GPRC5A: variants seen among roughly 807,000 people sequenced by gnomAD.
The protein encoded by GPRC5A is G protein-coupled receptor class C group 5 member A, also known as retinoic acid-induced protein 3.
GPRC5A carries 19 observed loss-of-function variants against 22.5 expected under a neutral mutation model. That is an observed-to-expected ratio of 0.85 (90% CI 0.59 to 1.24). The LOEUF is 1.24. Among genes scored for constraint, GPRC5A ranks in the 50% most tolerant of loss-of-function variants. The pLI, the probability that GPRC5A is intolerant of heterozygous loss-of-function variation, is 0.00. For missense variants in GPRC5A, 471 were observed against 451.1 expected (o/e 1.04, Z -0.40); for synonymous variants, 192 against 184.5 (o/e 1.04, Z -0.33).
At chr12:12,898,786 T>C (rs1164628468) in intron 1 of GPRC5A, among the ~76,000 whole-genome samples, 1 of 152,234 alleles carries the variant, frequency 6.6e-6, no homozygotes, top group African/African-American at 2.4e-5. Flanking sequence ...CCCAAAGCCC[T>C]GTCTCTTCTA....
chr12:12,911,984 C>A (rs866178480), intron 2 of GPRC5A, 100 bp from the exon 3 acceptor site: 2 of 741,264 alleles, frequency 2.7e-6, no homozygotes, highest in Non-Finnish European at 4.8e-6. Context: ...GAGAGACAGG[C>A]AATTAAATGG....
chr12:12,893,809 A>G (rs1863791242), intron 1 of GPRC5A, among the ~76,000 whole-genome samples: 1 of 152,172 alleles, frequency 6.6e-6, no homozygotes, highest in Non-Finnish European at 1.5e-5. Flanking sequence ...GCTGGAGCGC[A>G]GTGACGTGAT....
At position 12,912,562 on chromosome 12, in the gene GPRC5A, A is replaced by G. The variant is rs1219468638; in HGVS notation, c.*23A>G. The G allele has an allele frequency of 2.9e-6, 4 of 1,399,190 alleles. No individual in the cohort carries two copies. The highest frequency in any genetic ancestry group is 4.6e-5 in the East Asian group (2 of 43,952). 86.7% of individuals were successfully genotyped at this position (1,399,190 alleles called of 1,614,324 possible). On this transcript the variant is annotated 3_prime_UTR_variant, in exon 4 of 4. Coordinates refer to ENST00000014914, the MANE Select transcript of GPRC5A (RefSeq NM_003979.4). The stretch of plus-strand genomic sequence containing the variant: ...TAACTCTGTCCTGAAGAGTGGGACA[A>G]ATGCAGCCGGGCGGCAGATCTAGCG...
intron 1 of GPRC5A, among the ~76,000 whole-genome samples, chr12:12,900,328 C>A (rs1336544024): frequency 2.6e-5 from 4 of 152,270 alleles, no homozygotes; most frequent in Non-Finnish European, 4.4e-5. Flanking sequence ...CATGAAGCTC[C>A]CCAGGTGGGT....
intron 1 of GPRC5A, among the ~76,000 whole-genome samples, chr12:12,905,873 G>A (rs952893733): frequency 2.6e-5 from 4 of 152,176 alleles, no homozygotes; most frequent in African/African-American, 9.7e-5. Context: ...ATCCGAATGA[G>A]TAAGTAGATT....
In GPRC5A at chr12:12,915,624, TCTCCTCCTC is replaced by T. The variant is rs143086058; in HGVS notation, c.*3096_*3104del. On this transcript the variant is annotated 3_prime_UTR_variant, in exon 4 of 4. Transcript: ENST00000014914. The stretch of plus-strand genomic sequence containing the variant: ...GTTTCTCCTTCTTCCTTCTCCTCCT[TCTCCTCCTC>T]CTCCTCCTCCACCATGCCCGGCTGA... 7 of 186,172 alleles carry T rather than the reference TCTCCTCCTC, an allele frequency of 3.8e-5. No individual in the cohort carries two copies. The highest frequency in any genetic ancestry group is 8.2e-5 in the Non-Finnish European group (7 of 85,804). The allele number at this position is 186,172 out of a possible 1,614,324, so 11.5% of individuals were successfully genotyped here.
At chr12:12,907,513 G>T (rs1016562418) in intron 1 of GPRC5A, among the ~76,000 whole-genome samples, 1 of 152,120 alleles carries the variant, frequency 6.6e-6, no homozygotes, top group African/African-American at 2.4e-5. Context: ...AAAGGTAGAG[G>T]CTGCAACGTT....
chr12:12,916,492 C>G lies in GPRC5A; in HGVS notation c.*3953C>G, dbSNP rs1864065605. The G allele has an allele frequency of 6.6e-6, 1 of 152,206 alleles. No homozygotes were observed. Among genetic ancestry groups the G allele is most frequent in the Non-Finnish European group, 1.5e-5 (1 of 68,034 alleles). 9.4% of individuals were successfully genotyped at this position (152,206 alleles called of 1,614,324 possible). A position where few individuals can be genotyped will look rare whatever the true frequency, so the allele number is the denominator to read the frequency against. ...CTTAAAGTCGGTGTCCTGTGTGGGG[C>G]ACCAAGCTGAGCTGCAGACACCCAG... On this transcript the variant is annotated 3_prime_UTR_variant, in exon 4 of 4. Transcript: ENST00000014914.
intron 1 of GPRC5A, among the ~76,000 whole-genome samples, chr12:12,898,405 G>A (rs539812633): frequency 4.6e-5 from 7 of 151,882 alleles, no homozygotes; most frequent in East Asian, 3.9e-4. Context: ...GTGGTGGTGC[G>A]CACCTGTCCC....
At chr12:12,891,981 G>A (rs944610017) in intron 1 of GPRC5A, 2 of 152,120 alleles carry the variant, frequency 1.3e-5, no homozygotes, top group Non-Finnish European at 2.9e-5. Context: ...CAGGAGGTGA[G>A]CAGCTCTGGG....
At position 12,902,601 on chromosome 12, in the gene GPRC5A, A is replaced by G. The variant is rs187114564; in HGVS notation, c.-7-5642A>G. On this transcript the variant is annotated intron_variant, in intron 1 of 3. Coordinates refer to ENST00000014914, the MANE Select transcript of GPRC5A (RefSeq NM_003979.4). The stretch of plus-strand genomic sequence containing the variant: ...GAACATAGCAAGACTCCATCTCTAA[A>G]AAAATAAAGATTAAAAAAATTAGCC... Among the ~76,000 whole-genome samples, 329 of 151,960 alleles carry G rather than the reference A, an allele frequency of 2.2e-3. 2 individuals are homozygous for G. The highest frequency in any genetic ancestry group is 3.8e-3 in the Non-Finnish European group (259 of 67,982).
chr12:12,914,586 TTCTTTCTTTCTC>T lies in GPRC5A; in HGVS notation c.*2051_*2062del, dbSNP rs1185918874. 8.5e-5 allele frequency: 8 copies of T among 93,870 alleles called. No homozygotes were observed. Among genetic ancestry groups the T allele is most frequent in the African/African-American group, 4.4e-4 (7 of 15,756 alleles). The allele number at this position is 93,870 out of a possible 1,614,324, so 5.8% of individuals were successfully genotyped here. On this transcript the variant is annotated 3_prime_UTR_variant, in exon 4 of 4. Coordinates refer to ENST00000014914, the MANE Select transcript of GPRC5A (RefSeq NM_003979.4). ...TTTCTTTCTTTCTTTCTTTCTTTCT[TTCTTTCTTTCTC>T]TCTCTCTCTCTCTCTCTCTTTCTTT...
chr12:12,906,239 A>T (rs978974036), intron 1 of GPRC5A, among the ~76,000 whole-genome samples: 1 of 152,200 alleles, frequency 6.6e-6, no homozygotes, highest in Non-Finnish European at 1.5e-5. Context: ...GGTTGCTATG[A>T]AATGAAGTAA....
At chr12:12,894,014 G>C (rs562129318) in intron 1 of GPRC5A, among the ~76,000 whole-genome samples, 8 of 152,188 alleles carry the variant, frequency 5.3e-5, no homozygotes, top group Non-Finnish European at 1.2e-4. Flanking sequence ...TGCCTGCCTC[G>C]GCCTCCCAAA....
In GPRC5A at chr12:12,895,821, CAA is replaced by C. The variant is rs34696528; in HGVS notation, c.-8+4178_-8+4179del. The stretch of plus-strand genomic sequence containing the variant: ...TGAAACTCTGTCTCTACTAAAAATA[CAA>C]AAAAAAAAAAAAAAAAAAAATTAGC... On this transcript the variant is annotated intron_variant, in intron 1 of 3. Coordinates refer to ENST00000014914, the MANE Select transcript of GPRC5A (RefSeq NM_003979.4). 2.2e-4 allele frequency among the ~76,000 whole-genome samples: 17 copies of C among 75,628 alleles called. 1 individual carries two copies. The highest frequency in any genetic ancestry group is 0.018 in the Middle Eastern group (2 of 110). The allele number at this position is 75,628 out of a possible 152,430, so 49.6% of individuals were successfully genotyped here.
chr12:12,904,145 G>A (rs1182786580), intron 1 of GPRC5A, among the ~76,000 whole-genome samples: 1 of 152,030 alleles, frequency 6.6e-6, no homozygotes, highest in Non-Finnish European at 1.5e-5. Context: ...CCTTCCGCTC[G>A]CCGCCCTTGA....
intron 1 of GPRC5A, among the ~76,000 whole-genome samples, chr12:12,898,417 G>T (rs931742020): frequency 6.6e-6 from 1 of 152,056 alleles, no homozygotes; most frequent in Non-Finnish European, 1.5e-5. Context: ...ACCTGTCCCA[G>T]CTATTCAGGA....
In GPRC5A at chr12:12,913,475, C is replaced by T. The variant is rs1384195578; in HGVS notation, c.*936C>T. 2 of 152,204 alleles carry T rather than the reference C, an allele frequency of 1.3e-5. No homozygotes were observed. Among genetic ancestry groups the T allele is most frequent in the African/African-American group, 4.8e-5 (2 of 41,438 alleles). The allele number at this position is 152,204 out of a possible 1,614,324, so 9.4% of individuals were successfully genotyped here. A position where few individuals can be genotyped will look rare whatever the true frequency, so the allele number is the denominator to read the frequency against. ...TTGTAGATCATTCTCACTTCAAATT[C>T]CTGGGGCTGATACTTCTCTCATCTT... On this transcript the variant is annotated 3_prime_UTR_variant, in exon 4 of 4. Transcript: ENST00000014914.
intron 1 of GPRC5A, among the ~76,000 whole-genome samples, chr12:12,901,762 C>CAA (rs34748296): frequency 0.073 from 6,228 of 85,562 alleles, 221 homozygotes; most frequent in African/African-American, 0.12. Context: ...ACTTGGGCAT[C>CAA]AAAAAAAAAA....
Sources: allele counts gnomAD v4.1 joint callset (sites outside exome capture counted in the v4.1 genomes callset), GRCh38; gene constraint gnomAD v4.1.1; transcripts MANE v1.5; gene names NCBI Gene and HGNC (gene_info 2026-07-23, HGNC 2026-07-21).